The following VKORC1L1 variants were observed in gnomAD, a reference collection of about 807,000 sequenced individuals.
The protein encoded by VKORC1L1 is vitamin K epoxide reductase complex subunit 1L1.
Under a neutral mutation model 18.9 loss-of-function variants are expected in VKORC1L1, and 2 were observed. The observed-to-expected ratio is 0.11, with a 90% CI of 0.04 to 0.33. VKORC1L1 has a LOEUF of 0.33. Among genes scored for constraint, VKORC1L1 ranks in the 10% least tolerant of loss-of-function variants. The pLI is 1.00. For missense variants in VKORC1L1, 123 were observed against 224.1 expected (o/e 0.55, Z 2.88); for synonymous variants, 96 against 100.0 (o/e 0.96, Z 0.24).
intron 1 of VKORC1L1, among the ~76,000 whole-genome samples, chr7:65,893,925 G>A (rs1331535251): frequency 1.3e-5 from 2 of 151,972 alleles, no homozygotes; most frequent in African/African-American, 4.8e-5. Flanking sequence ...GATTTTGATT[G>A]GAATTGTGTT....
chr7:65,938,775 G>C (rs371848158), intron 1 of VKORC1L1, among the ~76,000 whole-genome samples: 3 of 152,194 alleles, frequency 2.0e-5, no homozygotes, highest in Non-Finnish European at 2.9e-5. Flanking sequence ...TAAAGAGCCC[G>C]AACAGCTGTG....
intron 1 of VKORC1L1, among the ~76,000 whole-genome samples, chr7:65,904,856 T>A (rs555290239): frequency 1.3e-5 from 2 of 152,282 alleles, no homozygotes; most frequent in African/African-American, 4.8e-5. Context: ...ATTTTCACCA[T>A]CATTAAGTGT....
intron 1 of VKORC1L1, among the ~76,000 whole-genome samples, chr7:65,944,786 G>A (rs1484924997): frequency 6.6e-6 from 1 of 151,766 alleles, no homozygotes; most frequent in Non-Finnish European, 1.5e-5. Context: ...GCACGGTGGT[G>A]GATGCCTGTG....
chr7:65,924,098 G>T (rs185270373), intron 1 of VKORC1L1, among the ~76,000 whole-genome samples: 12 of 152,314 alleles, frequency 7.9e-5, no homozygotes, highest in Non-Finnish European at 1.5e-4. Flanking sequence ...GAGACTTAAA[G>T]CCTGTAGCAG....
At chr7:65,883,306 T>G (rs1390811330) in intron 1 of VKORC1L1, among the ~76,000 whole-genome samples, 1 of 151,768 alleles carries the variant, frequency 6.6e-6, no homozygotes, top group African/African-American at 2.4e-5. Context: ...CATGCCTGGC[T>G]GATTTTTTGT....
chr7:65,913,501 G>A (rs1055474566), intron 1 of VKORC1L1, among the ~76,000 whole-genome samples: 1 of 151,910 alleles, frequency 6.6e-6, no homozygotes, highest in African/African-American at 2.4e-5. Flanking sequence ...CGAGGCAGGT[G>A]GATCACTTGA....
chr7:65,887,503 C>T (rs564936326), intron 1 of VKORC1L1, among the ~76,000 whole-genome samples: 25 of 151,408 alleles, frequency 1.7e-4, no homozygotes, highest in Non-Finnish European at 2.4e-4. Flanking sequence ...TGTGCTATGG[C>T]CTCCCTCAGT....
chr7:65,951,399 C>T (rs1562658722), intron 2 of VKORC1L1, among the ~76,000 whole-genome samples: 1 of 151,978 alleles, frequency 6.6e-6, no homozygotes, highest in East Asian at 1.9e-4. Context: ...CATGGTGAAA[C>T]CCCATCTCTA....
intron 1 of VKORC1L1, among the ~76,000 whole-genome samples, chr7:65,925,782 A>G (rs191647206): frequency 6.2e-4 from 95 of 152,258 alleles, no homozygotes; most frequent in Admixed American, 1.6e-3. Context: ...GCTTATTTCT[A>G]TACCCTTAGG....
intron 1 of VKORC1L1, among the ~76,000 whole-genome samples, chr7:65,939,617 C>T (rs1790001941): frequency 1.3e-5 from 2 of 152,190 alleles, no homozygotes; most frequent in Non-Finnish European, 1.5e-5. Context: ...ACCAAGGTGG[C>T]TGTGGTGGTT....
chr7:65,888,307 A>T lies in VKORC1L1; in HGVS notation c.194+14742A>T, dbSNP rs554128897. Among the ~76,000 whole-genome samples the T allele has an allele frequency of 2.0e-5, 3 of 152,302 alleles. No individual in the cohort carries two copies. The South Asian group carries it at 6.2e-4, about 32-fold the overall frequency. ...CAAAAGGACTCTACGTTTTATTCTT[A>T]ACTAGGACTTGGGCACCAAACTCCA... On this transcript the variant is annotated intron_variant, in intron 1 of 2. Coordinates refer to ENST00000360768, the MANE Select transcript of VKORC1L1 (RefSeq NM_173517.6).
intron 1 of VKORC1L1, among the ~76,000 whole-genome samples, chr7:65,948,277 T>C (rs994078448): frequency 6.6e-6 from 1 of 151,526 alleles, no homozygotes; most frequent in Non-Finnish European, 1.5e-5. Context: ...CAAAGAATTA[T>C]CTAGCCCAAA....
intron 1 of VKORC1L1, among the ~76,000 whole-genome samples, chr7:65,923,677 A>G (rs1789714896): frequency 6.6e-6 from 1 of 152,206 alleles, no homozygotes; most frequent in South Asian, 2.1e-4. Flanking sequence ...GGCCTTGACA[A>G]ATTAAGAGTG....
chr7:65,955,560 C>T lies in VKORC1L1; in HGVS notation c.*1260C>T, dbSNP rs1157317493. On this transcript the variant is annotated 3_prime_UTR_variant, in exon 3 of 3. Coordinates refer to ENST00000360768, the MANE Select transcript of VKORC1L1 (RefSeq NM_173517.6). ...ACTTTTGTAAGGGGATTTGAGTACA[C>T]CCAAATGAAATTGTGACAGGATGTT... The T allele has an allele frequency of 1.3e-5, 2 of 152,210 alleles. No homozygotes were observed. Among genetic ancestry groups the T allele is most frequent in the East Asian group, 3.9e-4 (2 of 5,192 alleles). 9.4% of individuals were successfully genotyped at this position (152,210 alleles called of 1,614,324 possible).
At chr7:65,906,332 C>T (rs1034309950) in intron 1 of VKORC1L1, among the ~76,000 whole-genome samples, 1 of 151,650 alleles carries the variant, frequency 6.6e-6, no homozygotes, top group Non-Finnish European at 1.5e-5. Flanking sequence ...TGTAGTACCA[C>T]TCCACTCCAG....
rs1790274363 is a variant in VKORC1L1 at position 65,955,175 on chromosome 7, A to T, written c.*875A>T. On this transcript the variant is annotated 3_prime_UTR_variant, in exon 3 of 3. Coordinates refer to ENST00000360768, the MANE Select transcript of VKORC1L1 (RefSeq NM_173517.6). ...AAATGGGTATTTTTCTTTGGAGAAA[A>T]GCTGGAAATATAAACATGGCATTTT... The T allele has an allele frequency of 6.6e-6, 1 of 152,220 alleles. No individual in the cohort carries two copies. Among genetic ancestry groups the T allele is most frequent in the Admixed American group, 6.6e-5 (1 of 15,266 alleles). 9.4% of individuals were successfully genotyped at this position (152,220 alleles called of 1,614,324 possible).
chr7:65,907,449 T>A (rs927562204), intron 1 of VKORC1L1, among the ~76,000 whole-genome samples: 4 of 151,994 alleles, frequency 2.6e-5, no homozygotes, highest in Non-Finnish European at 4.4e-5. Context: ...ATAAATAAAA[T>A]AAATAAATGG....
At position 65,897,982 on chromosome 7, in the gene VKORC1L1, T is replaced by G. The variant is rs189057664; in HGVS notation, c.194+24417T>G. ...AATAGCATGAAGGTATTCATTGCTG[T>G]GTTTATAAGCACAAAAACTTGTGCA... On this transcript the variant is annotated intron_variant, in intron 1 of 2. Transcript: ENST00000360768. 9.2e-5 allele frequency among the ~76,000 whole-genome samples: 14 copies of G among 152,040 alleles called. No homozygotes were observed. In the East Asian group the frequency reaches 2.5e-3, roughly 27 times the overall value.
intron 1 of VKORC1L1, among the ~76,000 whole-genome samples, chr7:65,894,995 AT>A (rs994462493): frequency 2.6e-5 from 4 of 152,192 alleles, no homozygotes; most frequent in African/African-American, 9.7e-5. Context: ...GCTAAAACAT[AT>A]TTTGTTCTTG....
Sources: allele counts gnomAD v4.1 joint callset (sites outside exome capture counted in the v4.1 genomes callset), GRCh38; gene constraint gnomAD v4.1.1; transcripts MANE v1.5; gene names NCBI Gene and HGNC (gene_info 2026-07-23, HGNC 2026-07-21).